RNF44: variants seen among roughly 807,000 people sequenced by gnomAD.
The protein encoded by RNF44 is ring finger protein 44.
A neutral mutation model predicts 53.6 loss-of-function variants in RNF44; 25 were observed. The observed-to-expected ratio is 0.47, with a 90% CI of 0.34 to 0.65. RNF44 has a LOEUF of 0.65. Among genes scored for constraint, RNF44 ranks in the 30% least tolerant of loss-of-function variants. The pLI is 0.01. For synonymous variants in RNF44, 282 were observed against 252.2 expected (o/e 1.12, Z -1.12); for missense variants, 581 against 595.5 (o/e 0.98, Z 0.25).
At chr5:176,532,345 G>T in intron 2 of RNF44, 21 bp downstream of exon 2, 1 of 1,595,778 alleles carries the variant, frequency 6.3e-7, no homozygotes. Flanking sequence ...CCAGCACCAG[G>T]ACTGGGAGGC....
chr5:176,534,649 A>T (rs546056183), intron 1 of RNF44, among the ~76,000 whole-genome samples: 1 of 152,368 alleles, frequency 6.6e-6, no homozygotes, highest in East Asian at 1.9e-4. Flanking sequence ...TAGATTTGGG[A>T]ATCTCTACCC....
At chr5:176,538,294 A>G (rs569354382), upstream of RNF44, among the ~76,000 whole-genome samples, 132 of 152,200 alleles carry the variant, frequency 8.7e-4, no homozygotes, top group African/African-American at 3.1e-3. Flanking sequence ...AGACGGAGGG[A>G]TTACTATAGC....
chr5:176,532,919 G>C (rs1404808339), intron 1 of RNF44, among the ~76,000 whole-genome samples: 1 of 152,096 alleles, frequency 6.6e-6, no homozygotes, highest in Non-Finnish European at 1.5e-5. Flanking sequence ...CGCCAGGACA[G>C]CTCAGCCTGC....
rs1468574043 is a variant in RNF44, at chr5:176,529,536, A to T, written c.1123T>A (p.Ser375Thr). The T allele has an allele frequency of 6.2e-7, 1 of 1,613,832 alleles. No individual in the cohort carries two copies. Among genetic ancestry groups the T allele is most frequent in the African/African-American group, 1.3e-5 (1 of 74,918 alleles). ...SYRFNPDSHQ[S>T]EQTLCVVCFS... The stretch of plus-strand genomic sequence containing the variant: ...CAGGGTACTCACAGCGTCTGCTCCG[A>T]CTGATGGCTGTCCGGGTTAAAGCGG... The change falls in exon 9 of 11, where the codon TCG (serine) becomes ACG (threonine). Residue 375 changes from serine (S) to threonine (T), a missense_variant. Physicochemically the swap from Ser to Thr is moderately conservative, Grantham distance 58. Transcript: ENST00000274811.
Position 176,532,483 on chromosome 5 carries a change from G to T in RNF44, c.-11C>A. On this transcript the variant is annotated 5_prime_UTR_variant, in exon 2 of 11. The change creates a new upstream start codon in the 5' untranslated region. Transcript: ENST00000274811. ...AGCCCATGGTCGCATCGGGGGGGCAGGGGGGTGGAGGGGCTGGGCCGGGAC... is the reference window on the plus strand; with the variant it reads ...AGCCCATGGTCGCATCGGGGGGGCATGGGGGTGGAGGGGCTGGGCCGGGAC... 1.3e-6 allele frequency: 2 copies of T among 1,557,950 alleles called. No individual in the cohort carries two copies. Among genetic ancestry groups the T allele is most frequent in the Non-Finnish European group, 1.7e-6 (2 of 1,155,492 alleles).
At chr5:176,540,999 T>C (rs1757435302), upstream of RNF44, among the ~76,000 whole-genome samples, 1 of 152,222 alleles carries the variant, frequency 6.6e-6, no homozygotes, top group South Asian at 2.1e-4. Context: ...GGACGTGGCC[T>C]GCACACCTAC....
upstream of RNF44, among the ~76,000 whole-genome samples, chr5:176,540,842 T>A (rs1444187039): frequency 2.0e-5 from 3 of 152,210 alleles, no homozygotes; most frequent in East Asian, 5.8e-4. Context: ...GGATGTGAAA[T>A]CACTCTGGAG....
At chr5:176,540,284 A>G (rs560700455), upstream of RNF44, among the ~76,000 whole-genome samples, 1 of 152,246 alleles carries the variant, frequency 6.6e-6, no homozygotes, top group Non-Finnish European at 1.5e-5. Flanking sequence ...TGAGGCTCAA[A>G]GAGGTGAAGT....
In RNF44 at chr5:176,531,931, T is replaced by C. The variant is rs1209587506; in HGVS notation, c.297+73A>G. The C allele has an allele frequency of 8.3e-6, 12 of 1,450,474 alleles. No individual in the cohort carries two copies. In the Admixed American group the frequency reaches 2.6e-4, roughly 31 times the overall value. 89.9% of individuals were successfully genotyped at this position (1,450,474 alleles called of 1,614,324 possible). A position where few individuals can be genotyped will look rare whatever the true frequency, so the allele number is the denominator to read the frequency against. ...GTGAAATGAAGCAAGCTAGGTGAAATCTAGGCCTTGCTGCCTCTGCCTCTC... is the reference window on the plus strand; with the variant it reads ...GTGAAATGAAGCAAGCTAGGTGAAACCTAGGCCTTGCTGCCTCTGCCTCTC... On this transcript the variant is annotated intron_variant, in intron 3 of 10. Transcript: ENST00000274811. This position sits in a 1 kb window ranked among gnomAD's most constrained non-coding sequence, Gnocchi z 4.2.
Position 176,529,052 on chromosome 5 carries a change from G to A in RNF44, c.1275C>T (p.Ser425=), listed in dbSNP as rs74457088. 6.0e-4 allele frequency: 971 copies of A among 1,612,930 alleles called. 4 individuals are homozygous for A. Among genetic ancestry groups the A allele is most frequent in the South Asian group, 3.1e-3 (284 of 91,052 alleles). The stretch of plus-strand genomic sequence containing the variant: ...CTCACTCAGCCTCCCTGGGCACCTC[G>A]GAGGCGTCGGCCCGGCAGATGGGAC... ...RTCPICRADA[S]EVPREAE The change falls in exon 11 of 11, where the codon TCC becomes TCT. Residue 425 remains serine (S), a synonymous_variant. Coordinates refer to ENST00000274811, the MANE Select transcript of RNF44 (RefSeq NM_014901.5).
chr5:176,535,032 A>G lies in RNF44; in HGVS notation c.-45+1908T>C, dbSNP rs556289983. ...CCCCCTACAAAGGCACCCACTCCCC[A>G]GGGCAGGGAAGGTGGTAAGGAGCTG... On this transcript the variant is annotated intron_variant, in intron 1 of 10. Coordinates refer to ENST00000274811, the MANE Select transcript of RNF44 (RefSeq NM_014901.5). 2.0e-5 allele frequency among the ~76,000 whole-genome samples: 3 copies of G among 152,292 alleles called. No individual in the cohort carries two copies. In the East Asian group the frequency reaches 5.8e-4, roughly 29 times the overall value.
Position 176,529,630 on chromosome 5 carries a change from C to T in RNF44, c.1029G>A (p.Leu343=), listed in dbSNP as rs372031522. The change falls in exon 9 of 11, where the codon CTG becomes CTA. Residue 343 remains leucine (L), a synonymous_variant. Transcript: ENST00000274811. The part of the protein sequence containing the change: ...EMENYEALLN[L]AERLGDAKPR... Reference sequence around the variant, plus strand: ...GCTTGGCATCTCCCAGCCGCTCGGCCAGGTTCAGGAGGGCCTGCATGCGGG... The same window carrying T: ...GCTTGGCATCTCCCAGCCGCTCGGCTAGGTTCAGGAGGGCCTGCATGCGGG... The T allele has an allele frequency of 6.2e-7, 1 of 1,613,872 alleles. No homozygotes were observed. Among genetic ancestry groups the T allele is most frequent in the East Asian group, 2.2e-5 (1 of 44,872 alleles).
Position 176,530,659 on chromosome 5 carries a change from C to G in RNF44, c.724G>C (p.Gly242Arg). ...GGCACCGACGGGGAAAGGGCTGGGCCAGGCGCAGAGGTGGAGTAGGTGAAG... is the reference window on the plus strand; with the variant it reads ...GGCACCGACGGGGAAAGGGCTGGGCGAGGCGCAGAGGTGGAGTAGGTGAAG... ...GSFTYSTSAP[G>R]PALSPSVPLH... is the part of the protein sequence containing the mutation. Residue 242 changes from glycine to arginine, a missense_variant, in exon 6 of 11, where the codon GGC (glycine) becomes CGC (arginine). Gly to Arg is a moderately radical substitution (Grantham distance 125). Transcript: ENST00000274811. 6.5e-7 allele frequency: 1 copy of G among 1,535,072 alleles called. No individual in the cohort carries two copies. Among genetic ancestry groups the G allele is most frequent in the Non-Finnish European group, 8.7e-7 (1 of 1,143,752 alleles).
At chr5:176,539,353 C>T (rs1317975108), upstream of RNF44, among the ~76,000 whole-genome samples, 1 of 152,248 alleles carries the variant, frequency 6.6e-6, no homozygotes, top group African/African-American at 2.4e-5. Flanking sequence ...TCCAATGTCT[C>T]CTTCAACCTT....
In RNF44 at chr5:176,530,630, C is replaced by T; in HGVS notation, c.753G>A (p.Leu251=). 3 of 1,517,892 alleles carry T rather than the reference C, an allele frequency of 2.0e-6. No homozygotes were observed. The highest frequency in any genetic ancestry group is 2.6e-6 in the Non-Finnish European group (3 of 1,135,256). The allele number at this position is 1,517,892 out of a possible 1,614,324, so 94.0% of individuals were successfully genotyped here. The change falls in exon 6 of 11, where the codon CTG becomes CTA. Residue 251 remains leucine (L), a synonymous_variant. Transcript: ENST00000274811. ...GCAGCGGATCGTGGGGCAGGTAGTGCAGGGGCACCGACGGGGAAAGGGCTG... is the reference window on the plus strand; with the variant it reads ...GCAGCGGATCGTGGGGCAGGTAGTGTAGGGGCACCGACGGGGAAAGGGCTG... ...PGPALSPSVP[L]HYLPHDPLHQ... is the part of the protein sequence containing the mutation.
At chr5:176,536,775 C>T (rs547318376) in intron 1 of RNF44, among the ~76,000 whole-genome samples, 165 bp downstream of exon 1, 3 of 135,964 alleles carry the variant, frequency 2.2e-5, no homozygotes, top group African/African-American at 5.7e-5. Flanking sequence ...CACGGGGGGC[C>T]TTGGGGGGGG....
chr5:176,537,656 TAC>T (rs1757318713), upstream of RNF44: 1 of 152,202 alleles, frequency 6.6e-6, no homozygotes, highest in South Asian at 2.1e-4. Context: ...ACTCGCTAAC[TAC>T]TCGCGCCTCT....
Position 176,530,747 on chromosome 5 carries a change from G to A in RNF44, c.640-4C>T. 1 of 1,531,370 alleles carries A rather than the reference G, an allele frequency of 6.5e-7. No homozygotes were observed. Among genetic ancestry groups the A allele is most frequent in the Non-Finnish European group, 8.8e-7 (1 of 1,142,326 alleles). 94.9% of individuals were successfully genotyped at this position (1,531,370 alleles called of 1,614,324 possible). On this transcript the variant is annotated splice_polypyrimidine_tract_variant and splice_region_variant and intron_variant, in intron 5 of 10. Coordinates refer to ENST00000274811, the MANE Select transcript of RNF44 (RefSeq NM_014901.5). ...CGTTGTCGAGCCGCTGGAGGGGCTG[G>A]AAGAACCAGCGCCGGGTCAGCAAGT...
At chr5:176,533,370 G>T (rs1756876901) in intron 1 of RNF44, among the ~76,000 whole-genome samples, 1 of 152,188 alleles carries the variant, frequency 6.6e-6, no homozygotes, top group Non-Finnish European at 1.5e-5. Flanking sequence ...ACCTTTCAAG[G>T]AATGTATAGC....
Sources: gnomAD v4.1 joint callset for allele counts (sites outside exome capture counted in the v4.1 genomes callset) on GRCh38, gnomAD v4.1.1 for gene constraint, Gnocchi (gnomAD v3.1) non-coding constraint, MANE v1.5 for transcripts, NCBI Gene and HGNC (gene_info 2026-07-23, HGNC 2026-07-21) for gene names.